Variants in PTPN22 observed in about 807,000 individuals in gnomAD.
The protein encoded by PTPN22 is protein tyrosine phosphatase non-receptor type 22.
PTPN22 carries 85 observed loss-of-function variants against 103.3 expected under a neutral mutation model. The ratio of observed to expected loss-of-function variants is 0.82; its 90% CI spans 0.69 to 0.99. The LOEUF (loss-of-function observed/expected upper bound fraction) is 0.99, where lower values mean the gene tolerates loss of function less well. Ranked by LOEUF, PTPN22 falls within the 50% of genes least tolerant of loss-of-function variation. The probability of loss-of-function intolerance (pLI) is 0.00; values close to 1 mark genes in which losing one functional copy is unlikely to be tolerated. For synonymous variants in PTPN22, 323 were observed against 310.2 expected (o/e 1.04, Z -0.43); for missense variants, 865 against 936.9 (o/e 0.92, Z 1.00).
At chr1:113,858,375 G>T in intron 4 of PTPN22, 103 bp downstream of exon 4, 2 of 750,858 alleles carry the variant, frequency 2.7e-6, no homozygotes, top group Non-Finnish European at 4.2e-6. Context: ...TTGTGATTCT[G>T]ACTAAAAGAT....
intron 20 of PTPN22, among the ~76,000 whole-genome samples, chr1:113,818,298 G>A (rs555147619): frequency 2.2e-4 from 33 of 152,004 alleles, no homozygotes; most frequent in Admixed American, 5.9e-4. Flanking sequence ...CTGAGTAGCT[G>A]GGATTAGAGG....
chr1:113,866,798 T>G (rs1386037556), intron 1 of PTPN22, among the ~76,000 whole-genome samples: 1 of 152,160 alleles, frequency 6.6e-6, no homozygotes, highest in Non-Finnish European at 1.5e-5. Context: ...CCCTGGCTGG[T>G]GTGCAGTGGT....
At chr1:113,843,086 C>A (rs1469021846) in intron 11 of PTPN22, among the ~76,000 whole-genome samples, 2 of 73,132 alleles carry the variant, frequency 2.7e-5, no homozygotes, top group African/African-American at 1.0e-4. Context: ...GGCGACAGAG[C>A]GAGACTCCGT....
rs539709590 is a variant in PTPN22, at chr1:113,818,695, T to C, written c.2359+882A>G. The stretch of plus-strand genomic sequence containing the variant: ...TGCCCAGCAATATTACATTTCCCAG[T>C]CTCTTTTGCAATTTAGTTATAGCAC... On this transcript the variant is annotated intron_variant, in intron 20 of 20. Coordinates refer to ENST00000359785, the Ensembl canonical transcript of PTPN22. Among the ~76,000 whole-genome samples, 6 of 152,300 alleles carry C rather than the reference T, an allele frequency of 3.9e-5. No individual in the cohort carries two copies. The East Asian group carries it at 9.6e-4, about 24-fold the overall frequency.
intron 9 of PTPN22, among the ~76,000 whole-genome samples, chr1:113,852,396 T>G (rs758578402): frequency 4.6e-5 from 7 of 152,152 alleles, no homozygotes; most frequent in Non-Finnish European, 8.8e-5. Flanking sequence ...TGCACAAGTA[T>G]GAGAGTTGCA....
intron 11 of PTPN22, among the ~76,000 whole-genome samples, chr1:113,840,711 AC>A (rs1663473744): frequency 6.6e-6 from 1 of 152,358 alleles, no homozygotes; most frequent in Non-Finnish European, 1.5e-5. Flanking sequence ...TGAATGACAC[AC>A]TACCTGATTT....
intron 11 of PTPN22, among the ~76,000 whole-genome samples, chr1:113,842,984 T>C (rs1484789646): frequency 2.1e-4 from 29 of 139,650 alleles, no homozygotes; most frequent in Admixed American, 7.9e-4. Flanking sequence ...CCTGTAGTCC[T>C]AGCTACTTGG....
At chr1:113,843,308 GGT>G (rs1456131258) in intron 11 of PTPN22, among the ~76,000 whole-genome samples, 1 of 142,824 alleles carries the variant, frequency 7.0e-6, no homozygotes, top group Non-Finnish European at 1.5e-5. Context: ...GTGTGTGTGT[GGT>G]GTGTGTGTGT....
chr1:113,827,494 C>T (rs1398314083), intron 18 of PTPN22, among the ~76,000 whole-genome samples: 1 of 151,700 alleles, frequency 6.6e-6, no homozygotes, highest in African/African-American at 2.4e-5. Flanking sequence ...TGAGAAAGTC[C>T]TAATTCTTTT....
At chr1:113,835,108 A>G in intron 13 of PTPN22, 115 bp from the exon 14 acceptor site, 1 of 567,692 alleles carries the variant, frequency 1.8e-6, no homozygotes, top group Admixed American at 4.3e-5. Flanking sequence ...AATTCCGTTG[A>G]AGCAACATTA....
intron 1 of PTPN22, among the ~76,000 whole-genome samples, chr1:113,860,255 A>G (rs1466470927): frequency 6.6e-6 from 1 of 152,162 alleles, no homozygotes; most frequent in African/African-American, 2.4e-5. Context: ...AACTTTTATT[A>G]CTGTAGATTA....
intron 20 of PTPN22, among the ~76,000 whole-genome samples, chr1:113,817,336 G>A (rs1358546954): frequency 6.6e-6 from 1 of 152,184 alleles, no homozygotes; most frequent in Non-Finnish European, 1.5e-5. Context: ...GGCCAATTCA[G>A]GGAAAATAAA....
intron 18 of PTPN22, among the ~76,000 whole-genome samples, chr1:113,826,961 G>A (rs562195323): frequency 6.6e-6 from 1 of 152,022 alleles, no homozygotes; most frequent in African/African-American, 2.4e-5. Context: ...GAGCCACCGC[G>A]CCCGGCCTGG....
chr1:113,843,286 ATGTG>A (rs35997994), intron 11 of PTPN22, among the ~76,000 whole-genome samples: 11 of 149,838 alleles, frequency 7.3e-5, no homozygotes, highest in African/African-American at 1.2e-4. Flanking sequence ...GATAAACAAA[ATGTG>A]TGTGTGTGTG....
chr1:113,865,896 T>G (rs933914937), intron 1 of PTPN22, among the ~76,000 whole-genome samples: 1 of 152,230 alleles, frequency 6.6e-6, no homozygotes, highest in Non-Finnish European at 1.5e-5. Flanking sequence ...TATTCCCACA[T>G]TTTACTGACT....
At chr1:113,835,373 CCGGGCGTGGTGG>C (rs1452539249) in intron 13 of PTPN22, among the ~76,000 whole-genome samples, 1 of 152,056 alleles carries the variant, frequency 6.6e-6, no homozygotes, top group Non-Finnish European at 1.5e-5. Flanking sequence ...AAAACATTAG[CCGGGCGTGGTGG>C]CGGGCCCCTG....
chr1:113,868,980 T>G (rs1180630043), intron 1 of PTPN22, among the ~76,000 whole-genome samples: 2 of 151,974 alleles, frequency 1.3e-5, no homozygotes, highest in African/African-American at 2.4e-5. Context: ...TCCTAGTACT[T>G]TGGGAGGCTG....
At chr1:113,859,053 G>T in exon 3 of PTPN22, 1 of 1,613,864 alleles carries the variant, frequency 6.2e-7, no homozygotes, top group Non-Finnish European at 8.5e-7. Flanking sequence ...AGGTTATCAG[G>T]GATAGTTCTA....
At chr1:113,859,385 T>C (rs759318388) in exon 2 of PTPN22, 6 of 1,613,586 alleles carry the variant, frequency 3.7e-6, no homozygotes, top group Non-Finnish European at 4.2e-6. Context: ...TTTTTCTTGA[T>C]ATTCTTGGGC....
Sources: gnomAD v4.1 joint callset for allele counts (sites outside exome capture counted in the v4.1 genomes callset) on GRCh38, gnomAD v4.1.1 for gene constraint, MANE v1.5 for transcripts, NCBI Gene and HGNC (gene_info 2026-07-23, HGNC 2026-07-21) for gene names.